Variants in HPS5 observed in about 807,000 individuals in gnomAD.
The protein encoded by HPS5 is BLOC-2 complex member HPS5.
HPS5 carries 83 observed loss-of-function variants against 128.0 expected under a neutral mutation model. The ratio of observed to expected loss-of-function variants is 0.65; its 90% CI spans 0.54 to 0.78. HPS5 has a LOEUF of 0.78. Among genes scored for constraint, HPS5 ranks in the 30% least tolerant of loss-of-function variants. The pLI is 0.00. For synonymous variants in HPS5, 475 were observed against 470.2 expected, an observed-to-expected ratio of 1.01 and a Z score of -0.13; for missense variants, 1,281 against 1,326.2, an observed-to-expected ratio of 0.97 and a Z score of 0.53.
At chr11:18,302,816 A>G (rs1458981396) in intron 8 of HPS5, among the ~76,000 whole-genome samples, 88 of 5,990 alleles carry the variant, frequency 0.015, no homozygotes, top group African/African-American at 0.094. Flanking sequence ...CAAAGGAGAA[A>G]AAAAGCGGGG....
chr11:18,285,304 G>T, intron 20 of HPS5, 42 bp downstream of exon 20: 1 of 1,240,386 alleles, frequency 8.1e-7, no homozygotes, highest in Non-Finnish European at 1.2e-6. Context: ...TAACTGAAAT[G>T]TTTCTAACCT....
intron 7 of HPS5, 136 bp from the exon 8 acceptor site, chr11:18,305,629 A>T (rs1383153417): frequency 8.0e-6 from 5 of 627,324 alleles, no homozygotes; most frequent in Non-Finnish European, 1.4e-5. Context: ...TATTCGCCTG[A>T]CACTAATCAT....
intron 14 of HPS5, among the ~76,000 whole-genome samples, chr11:18,293,699 T>C (rs1341858490): frequency 6.6e-6 from 1 of 152,194 alleles, no homozygotes; most frequent in African/African-American, 2.4e-5. Context: ...AAATAATTTT[T>C]CTGAGTAGGG....
chr11:18,314,452 C>T (rs1415315685), intron 2 of HPS5: 1 of 152,154 alleles, frequency 6.6e-6, no homozygotes, highest in Admixed American at 6.6e-5. Context: ...TCACTTGAAC[C>T]CGGGAGGCAG....
At chr11:18,296,747 G>A (rs756249287) in intron 12 of HPS5, 51 bp downstream of exon 12, 87 of 1,516,336 alleles carry the variant, frequency 5.7e-5, no homozygotes, top group Non-Finnish European at 7.6e-5. Context: ...ACAGGAGCTC[G>A]TGGAAAATAA....
At chr11:18,301,866 A>G (rs1405143475) in intron 8 of HPS5, among the ~76,000 whole-genome samples, 1 of 152,190 alleles carries the variant, frequency 6.6e-6, no homozygotes, top group Admixed American at 6.5e-5. Flanking sequence ...TATACGAGTC[A>G]GAATTTATAC....
rs544307802 is a variant in HPS5, at chr11:18,285,600, C to A, written c.2838-141G>T. 113 of 647,862 alleles carry A rather than the reference C, an allele frequency of 1.7e-4. 1 individual carries two copies. The highest frequency in any genetic ancestry group is 1.4e-3 in the African/African-American group (79 of 54,722). The allele number at this position is 647,862 out of a possible 1,614,324, so 40.1% of individuals were successfully genotyped here. A position where few individuals can be genotyped will look rare whatever the true frequency, so the allele number is the denominator to read the frequency against. The stretch of plus-strand genomic sequence containing the variant: ...AACATTGCTATTTGGCTTTTGAAAA[C>A]TTAAAAATAGCTATTTTTCCTATAA... On this transcript the variant is annotated intron_variant, in intron 19 of 22. Transcript: ENST00000349215.
At chr11:18,317,667 C>T (rs889183890) in intron 2 of HPS5, 84 bp downstream of exon 2, 8 of 1,355,440 alleles carry the variant, frequency 5.9e-6, no homozygotes, top group South Asian at 1.2e-5. Context: ...CAAGATTCCA[C>T]AAAACGTTAA....
chr11:18,301,326 T>C (rs986162856), intron 8 of HPS5, among the ~76,000 whole-genome samples: 10 of 151,628 alleles, frequency 6.6e-5, no homozygotes, highest in East Asian at 1.9e-4. Context: ...CATGGTGACA[T>C]GCGCTTGTAA....
At chr11:18,299,040 A>C in intron 9 of HPS5, 70 bp from the exon 10 acceptor site, 1 of 1,393,912 alleles carries the variant, frequency 7.2e-7, no homozygotes, top group East Asian at 2.3e-5. Flanking sequence ...AAAGGGATGC[A>C]ATTATTCTAA....
Position 18,317,784 on chromosome 11 carries a change from G to C in HPS5, c.75C>G (p.Leu25=), listed in dbSNP as rs755901755. Residue 25 remains leucine, a synonymous_variant, in exon 2 of 23, where the codon CTC becomes CTG. Transcript: ENST00000349215. ...GACTGGAGTCCAGCCGCAGGGCTGA[G>C]AGTAATGGATCCAGAGATTCAAACT... ...LAEFESLDPL[L]SALRLDSSRL... is the part of the protein sequence containing the mutation. The C allele has an allele frequency of 8.1e-6, 13 of 1,613,934 alleles. No individual in the cohort carries two copies. Among genetic ancestry groups the C allele is most frequent in the South Asian group, 4.4e-5 (4 of 91,000 alleles).
chr11:18,311,949 C>G lies in HPS5; in HGVS notation c.184G>C (p.Glu62Gln), dbSNP rs773665753. The change falls in exon 3 of 23, where the codon GAA (glutamate) becomes CAA (glutamine). Residue 62 changes from glutamate to glutamine, a missense_variant. Transcript: ENST00000349215. ...SGGGLHLIQK[E>Q]GWKHRLFLSH... ...AGAAAAAGCCTGTGCTTCCAGCCTT[C>G]TTTCTGAATGAGATGGAGTCCTCCT... 6.2e-7 allele frequency: 1 copy of G among 1,614,058 alleles called. No individual in the cohort carries two copies. The highest frequency in any genetic ancestry group is 1.7e-5 in the Admixed American group (1 of 60,022).
At position 18,306,269 on chromosome 11, in the gene HPS5, C is replaced by T; in HGVS notation, c.690G>A (p.Gly230=). The change falls in exon 7 of 23, where the codon GGG becomes GGA. Residue 230 remains glycine, a synonymous_variant. Coordinates refer to ENST00000349215, the MANE Select transcript of HPS5 (RefSeq NM_181507.2). Reference sequence around the variant, plus strand: ...CACAATATATCAGAGGTTGCTGGCCCCCAGAACATCTTCCAGGAAAGAAAC... The same window carrying T: ...CACAATATATCAGAGGTTGCTGGCCTCCAGAACATCTTCCAGGAAAGAAAC... ...GACFFPGRCS[G]GQQPLIYCAR... 2 of 1,614,084 alleles carry T rather than the reference C, an allele frequency of 1.2e-6. No homozygotes were observed. The highest frequency in any genetic ancestry group is 1.7e-6 in the Non-Finnish European group (2 of 1,179,994).
intron 16 of HPS5, 97 bp downstream of exon 16, chr11:18,291,345 T>C: frequency 2.6e-6 from 2 of 777,510 alleles, no homozygotes; most frequent in Non-Finnish European, 4.5e-6. Context: ...ACAGATGTGA[T>C]TTTCTACTTA....
chr11:18,291,849 T>G lies in HPS5; in HGVS notation c.2033A>C (p.Glu678Ala). 6.2e-7 allele frequency: 1 copy of G among 1,610,794 alleles called. No homozygotes were observed. The change falls in exon 16 of 23, where the codon GAA (glutamate) becomes GCA (alanine). Residue 678 changes from glutamate to alanine, a missense_variant. Physicochemically the swap from Glu to Ala is moderately radical, Grantham distance 107. Coordinates refer to ENST00000349215, the MANE Select transcript of HPS5 (RefSeq NM_181507.2). Reference sequence around the variant, plus strand: ...TTCATCTAATATTCCCTTTTTTGATTCATTAACTAATAGCACATCCTGGTT... The same window carrying G: ...TTCATCTAATATTCCCTTTTTTGATGCATTAACTAATAGCACATCCTGGTT... ...KLNQDVLLVN[E>A]SKKGILDEDN...
At chr11:18,286,503 C>A (rs1402980708) in intron 19 of HPS5, 88 bp downstream of exon 19, 9 of 1,347,292 alleles carry the variant, frequency 6.7e-6, no homozygotes, top group South Asian at 2.5e-5. Flanking sequence ...GATCTTAGCA[C>A]CACATTCCAG....
intron 9 of HPS5, among the ~76,000 whole-genome samples, chr11:18,300,517 C>T (rs1488161348): frequency 1.3e-5 from 2 of 151,616 alleles, no homozygotes; most frequent in East Asian, 1.9e-4. Context: ...GCCAACATGG[C>T]GAAACTCCAT....
Position 18,300,866 on chromosome 11 carries a change from G to A in HPS5, c.947C>T (p.Pro316Leu). ...CCAAAGAAGAACTTGAACATTCTGAGGAATGAAAATATAAATTCCTCTTTC... is the reference window on the plus strand; with the variant it reads ...CCAAAGAAGAACTTGAACATTCTGAAGAATGAAAATATAAATTCCTCTTTC... ...WTERGIYIFI[P>L]QNVQVLLWSE... Residue 316 changes from proline (P) to leucine (L), a missense_variant, in exon 9 of 23, where the codon CCT (proline) becomes CTT (leucine). Coordinates refer to ENST00000349215, the MANE Select transcript of HPS5 (RefSeq NM_181507.2). 2.5e-6 allele frequency: 4 copies of A among 1,598,810 alleles called. No individual in the cohort carries two copies. Among genetic ancestry groups the A allele is most frequent in the Non-Finnish European group, 3.4e-6 (4 of 1,166,216 alleles).
At chr11:18,313,731 A>C (rs912682475) in intron 2 of HPS5, among the ~76,000 whole-genome samples, 1 of 151,794 alleles carries the variant, frequency 6.6e-6, no homozygotes, top group African/African-American at 2.4e-5. Context: ...CTGGCCAATA[A>C]AGTGAAACCC....
Sources: gnomAD v4.1 joint callset for allele counts (sites outside exome capture counted in the v4.1 genomes callset) on GRCh38, gnomAD v4.1.1 for gene constraint, MANE v1.5 for transcripts, NCBI Gene and HGNC (gene_info 2026-07-23, HGNC 2026-07-21) for gene names.